DNAL1: variants seen among roughly 807,000 people sequenced by gnomAD.
DNAL1 encodes the protein chromosome 14 open reading frame 168.
A neutral mutation model predicts 29.4 loss-of-function variants in DNAL1; 17 were observed. The ratio of observed to expected loss-of-function variants is 0.58; its 90% CI spans 0.40 to 0.87. The LOEUF (loss-of-function observed/expected upper bound fraction) is 0.87, where lower values mean the gene tolerates loss of function less well. Among genes scored for constraint, DNAL1 ranks in the 40% least tolerant of loss-of-function variants. The probability of loss-of-function intolerance (pLI) is 0.00; values close to 1 mark genes in which losing one functional copy is unlikely to be tolerated. For synonymous variants in DNAL1, 78 were observed against 76.3 expected (o/e 1.02, Z -0.12); for missense variants, 188 against 214.1 (o/e 0.88, Z 0.76).
At chr14:73,648,004 G>A in intron 1 of DNAL1, among the ~76,000 whole-genome samples, 1 of 152,090 alleles carries the variant, frequency 6.6e-6, no homozygotes, top group East Asian at 1.9e-4. Flanking sequence ...TTGATACAGA[G>A]TCTCGTTCTG....
intron 5 of DNAL1, among the ~76,000 whole-genome samples, chr14:73,676,354 A>G (rs1036796717): frequency 6.6e-6 from 1 of 152,094 alleles, no homozygotes; most frequent in Non-Finnish European, 1.5e-5. Context: ...TCTACCTCCT[A>G]TTCCCTACCA....
At chr14:73,685,104 T>G (rs2140056403) in intron 5 of DNAL1, among the ~76,000 whole-genome samples, 1 of 152,000 alleles carries the variant, frequency 6.6e-6, no homozygotes, top group East Asian at 1.9e-4. Context: ...TTTTTTCCAA[T>G]GTTTTTTATG....
At position 73,700,616 on chromosome 14, in the gene DNAL1, G is replaced by A. The variant is rs1226353244; in HGVS notation, c.*4674G>A. 2.0e-5 allele frequency: 3 copies of A among 152,170 alleles called. No individual in the cohort carries two copies. Among genetic ancestry groups the A allele is most frequent in the African/African-American group, 7.2e-5 (3 of 41,446 alleles). 9.4% of individuals were successfully genotyped at this position (152,170 alleles called of 1,614,324 possible). A position where few individuals can be genotyped will look rare whatever the true frequency, so the allele number is the denominator to read the frequency against. ...ATTCACTTAAAAGCATTAGGAGGAA[G>A]TGTCAAAGCATCAGTCATGAATAGA... On this transcript the variant is annotated 3_prime_UTR_variant, in exon 8 of 8. Transcript: ENST00000553645.
chr14:73,674,890 C>T (rs1309948984), intron 5 of DNAL1, among the ~76,000 whole-genome samples: 1 of 151,804 alleles, frequency 6.6e-6, no homozygotes, highest in Non-Finnish European at 1.5e-5. Flanking sequence ...CTCACTGTGT[C>T]GCCCAGGCTG....
Position 73,702,715 on chromosome 14 carries a change from T to G in DNAL1, c.*6773T>G, listed in dbSNP as rs1039855829. The G allele has an allele frequency of 2.6e-5, 4 of 152,178 alleles. No individual in the cohort carries two copies. The highest frequency in any genetic ancestry group is 6.5e-5 in the Admixed American group (1 of 15,272). The allele number at this position is 152,178 out of a possible 1,614,324, so 9.4% of individuals were successfully genotyped here. A position where few individuals can be genotyped will look rare whatever the true frequency, so the allele number is the denominator to read the frequency against. On this transcript the variant is annotated 3_prime_UTR_variant, in exon 8 of 8. Coordinates refer to ENST00000553645, the MANE Select transcript of DNAL1 (RefSeq NM_031427.4). ...ACATTACACATTTTGCCAGCACATT[T>G]TCTATGCTATCAGCTAAAACGTAAT...
At chr14:73,674,994 T>C (rs1891698193) in intron 5 of DNAL1, among the ~76,000 whole-genome samples, 1 of 151,652 alleles carries the variant, frequency 6.6e-6, no homozygotes. Context: ...AATTTTTTTG[T>C]ATTTTTAGTA....
intron 7 of DNAL1, among the ~76,000 whole-genome samples, chr14:73,693,298 T>C (rs1176136942): frequency 6.6e-6 from 1 of 152,174 alleles, no homozygotes; most frequent in Non-Finnish European, 1.5e-5. Context: ...ACATTCCTTG[T>C]GACCCAGCAA....
At position 73,687,380 on chromosome 14, in the gene DNAL1, A is replaced by G. The variant is rs1234069737; in HGVS notation, c.386A>G (p.Asp129Gly). 6.3e-7 allele frequency: 1 copy of G among 1,599,144 alleles called. No individual in the cohort carries two copies. Among genetic ancestry groups the G allele is most frequent in the East Asian group, 2.2e-5 (1 of 44,520 alleles). The change falls in exon 6 of 8, where the codon GAC (aspartate) becomes GGC (glycine). Residue 129 changes from aspartate (D) to glycine (G), a missense_variant. Transcript: ENST00000553645. The stretch of plus-strand genomic sequence containing the variant: ...TACATGTCTAATAACCTGGTAAAAG[A>G]CTGGGGTAAGCTGAGAGTGGCCCTT... Reference protein sequence around the residue: ...ILYMSNNLVKDWAEFVKLAEL... With the variant: ...ILYMSNNLVKGWAEFVKLAEL...
intron 5 of DNAL1, among the ~76,000 whole-genome samples, chr14:73,677,583 G>A (rs1002358063): frequency 1.2e-4 from 18 of 149,744 alleles, no homozygotes; most frequent in African/African-American, 4.1e-4. Flanking sequence ...TTGAGACGGA[G>A]TCTGGCTCTG....
At chr14:73,649,037 G>T (rs1423869169) in intron 1 of DNAL1, among the ~76,000 whole-genome samples, 1 of 151,856 alleles carries the variant, frequency 6.6e-6, no homozygotes, top group Non-Finnish European at 1.5e-5. Context: ...GTGCAGTGGT[G>T]CAGTCTGGGC....
Position 73,689,897 on chromosome 14 carries a change from G to A in DNAL1, c.532+382G>A, listed in dbSNP as rs1316579348. Among the ~76,000 whole-genome samples, 12 of 152,024 alleles carry A rather than the reference G, an allele frequency of 7.9e-5. No individual in the cohort carries two copies. The East Asian group carries it at 9.7e-4, about 12-fold the overall frequency. On this transcript the variant is annotated intron_variant, in intron 7 of 7. Coordinates refer to ENST00000553645, the MANE Select transcript of DNAL1 (RefSeq NM_031427.4). Reference sequence around the variant, plus strand: ...CTAAAAATATAAAAATTAGCCAGGCGTGGTGGCGGGCACCTGTAATCCCAG... The same window carrying A: ...CTAAAAATATAAAAATTAGCCAGGCATGGTGGCGGGCACCTGTAATCCCAG...
chr14:73,683,031 C>T (rs897818397), intron 5 of DNAL1, among the ~76,000 whole-genome samples: 1 of 152,084 alleles, frequency 6.6e-6, no homozygotes, highest in African/African-American at 2.4e-5. Context: ...CGTGCATCAC[C>T]ACGCCCAGCT....
At chr14:73,649,953 T>G (rs1357771072) in intron 1 of DNAL1, among the ~76,000 whole-genome samples, 1 of 152,154 alleles carries the variant, frequency 6.6e-6, no homozygotes, top group East Asian at 1.9e-4. Context: ...ATGTAAATAT[T>G]ATTTAAATAG....
chr14:73,692,992 C>A (rs536628835), intron 7 of DNAL1, among the ~76,000 whole-genome samples: 2 of 152,154 alleles, frequency 1.3e-5, no homozygotes, highest in East Asian at 3.9e-4. Context: ...TCCGCCACCA[C>A]GCCTGGCTAA....
rs770286596 is a variant in DNAL1, at chr14:73,655,057, C to T, written c.42+172C>T. Among the ~76,000 whole-genome samples the T allele has an allele frequency of 3.3e-5, 5 of 151,730 alleles. No homozygotes were observed. In the East Asian group the frequency reaches 7.7e-4, roughly 24 times the overall value. ...ACACATATGATAAAATTGTGTAAAA[C>T]TTAATGCACACATACACACAGTCAT... On this transcript the variant is annotated intron_variant, in intron 2 of 7. Transcript: ENST00000553645.
chr14:73,691,748 CA>C (rs1257166536), intron 7 of DNAL1, among the ~76,000 whole-genome samples: 1 of 151,482 alleles, frequency 6.6e-6, no homozygotes, highest in Non-Finnish European at 1.5e-5. Flanking sequence ...GGCTGGAATA[CA>C]ATGGCGCAAT....
chr14:73,647,660 AGTT>A (rs1187508855), intron 1 of DNAL1, among the ~76,000 whole-genome samples: 1 of 152,156 alleles, frequency 6.6e-6, no homozygotes, highest in Non-Finnish European at 1.5e-5. Flanking sequence ...TTTACTTATT[AGTT>A]AAGTCCATGA....
intron 3 of DNAL1, 75 bp from the exon 4 acceptor site, chr14:73,661,912 C>T: frequency 2.3e-6 from 2 of 861,976 alleles, no homozygotes; most frequent in Non-Finnish European, 3.6e-6. Flanking sequence ...CTTTTATGGG[C>T]ACTAGTGTTA....
In DNAL1 at chr14:73,696,914, A is replaced by C. The variant is rs754040886; in HGVS notation, c.*972A>C. On this transcript the variant is annotated 3_prime_UTR_variant, in exon 8 of 8. Coordinates refer to ENST00000553645, the MANE Select transcript of DNAL1 (RefSeq NM_031427.4). Reference sequence around the variant, plus strand: ...GTATTTCAAAATATATTTTTTGAGAAGTTCTAAGTTAAACAGCTCTTAAAA... The same window carrying C: ...GTATTTCAAAATATATTTTTTGAGACGTTCTAAGTTAAACAGCTCTTAAAA... 6.6e-6 allele frequency: 1 copy of C among 152,232 alleles called. No homozygotes were observed. Among genetic ancestry groups the C allele is most frequent in the Non-Finnish European group, 1.5e-5 (1 of 68,036 alleles). 9.4% of individuals were successfully genotyped at this position (152,232 alleles called of 1,614,324 possible).
Sources: allele counts gnomAD v4.1 joint callset (sites outside exome capture counted in the v4.1 genomes callset), GRCh38; gene constraint gnomAD v4.1.1; transcripts MANE v1.5; gene names NCBI Gene and HGNC (gene_info 2026-07-23, HGNC 2026-07-21).